PHLDB1: variants seen among roughly 807,000 people sequenced by gnomAD.
PHLDB1 encodes the protein pleckstrin homology-like domain family B member 1.
A neutral mutation model predicts 139.3 loss-of-function variants in PHLDB1; 65 were observed. That is an observed-to-expected ratio of 0.47 (90% CI 0.38 to 0.57). PHLDB1 has a LOEUF of 0.57. PHLDB1 is among the 20% of genes least tolerant of loss of function. The pLI is 0.00. For synonymous variants in PHLDB1, 679 were observed against 734.5 expected (o/e 0.92, Z 1.22); for missense variants, 1,624 against 1,839.7 (o/e 0.88, Z 2.14).
intron 2 of PHLDB1, 119 bp downstream of exon 2, chr11:118,614,015 C>T: frequency 1.5e-6 from 1 of 671,898 alleles, no homozygotes. Flanking sequence ...CTCTGCCCTT[C>T]CCCAGGTCCC....
chr11:118,629,394 G>A (rs1944408122), intron 6 of PHLDB1, among the ~76,000 whole-genome samples: 1 of 152,230 alleles, frequency 6.6e-6, no homozygotes, highest in Admixed American at 6.5e-5. Flanking sequence ...TGAGCTGGGT[G>A]GGGGCCAGGA....
chr11:118,633,756 C>T (rs1945165179), intron 9 of PHLDB1: 1 of 152,320 alleles, frequency 6.6e-6, no homozygotes, highest in African/African-American at 2.4e-5. Context: ...ACCCCAGGAA[C>T]TGGCCTGATT....
rs782630546 is a variant in PHLDB1 at position 118,645,699 on chromosome 11, T to A, written c.3417-36T>A. The A allele has an allele frequency of 1.2e-6, 2 of 1,611,756 alleles. No homozygotes were observed. The highest frequency in any genetic ancestry group is 1.7e-6 in the Non-Finnish European group (2 of 1,177,864). ...AGCCTCCCTCAGCCACCGCCTCAGC[T>A]CCTTGATGCACTTCCTCTTCCCCTT... On this transcript the variant is annotated intron_variant, in intron 16 of 22. Coordinates refer to ENST00000600882, the MANE Select transcript of PHLDB1 (RefSeq NM_001144758.3). The surrounding 1 kb of genome is among the most constrained non-coding windows in gnomAD (Gnocchi z 5.1).
chr11:118,636,130 T>C (rs1349759811), intron 10 of PHLDB1, among the ~76,000 whole-genome samples: 2 of 151,984 alleles, frequency 1.3e-5, no homozygotes, highest in Non-Finnish European at 2.9e-5. Context: ...CAGGTGACTG[T>C]GTATGTTTGG....
chr11:118,637,233 T>C (rs1161855811), intron 10 of PHLDB1: 1 of 152,222 alleles, frequency 6.6e-6, no homozygotes, highest in Non-Finnish European at 1.5e-5. Flanking sequence ...ATAAAGGAGC[T>C]TATTAAATTA....
In PHLDB1 at chr11:118,631,271, C is replaced by A; in HGVS notation, c.1892C>A (p.Pro631His). Residue 631 changes from proline (P) to histidine (H), a missense_variant, in exon 7 of 23, where the codon CCT (proline) becomes CAT (histidine). Transcript: ENST00000600882. ...GAATACAGCCGGGCTGATGGGGGAC[C>A]TGAGGCTGGGGAGCTTCCCAGCATT... is the stretch of plus-strand genomic sequence containing the variant. ...CAEYSRADGG[P>H]EAGELPSIGE... 6.6e-7 allele frequency: 1 copy of A among 1,508,798 alleles called. No homozygotes were observed. The highest frequency in any genetic ancestry group is 2.3e-5 in the Admixed American group (1 of 43,058). 93.5% of individuals were successfully genotyped at this position (1,508,798 alleles called of 1,614,324 possible). A position where few individuals can be genotyped will look rare whatever the true frequency, so the allele number is the denominator to read the frequency against.
In PHLDB1 at chr11:118,625,204, G is replaced by T. The variant is rs1943650017; in HGVS notation, c.481+145G>T. ...CTGCCACCTGCCATGGGCGGGTGGAGAATGCCAGGCAGTGGGGCCACTGAG... is the reference window on the plus strand; with the variant it reads ...CTGCCACCTGCCATGGGCGGGTGGATAATGCCAGGCAGTGGGGCCACTGAG... On this transcript the variant is annotated intron_variant, in intron 5 of 22. Transcript: ENST00000600882. 5 of 989,216 alleles carry T rather than the reference G, an allele frequency of 5.1e-6. No homozygotes were observed. In the Admixed American group the frequency reaches 1.5e-4, roughly 29 times the overall value. 61.3% of individuals were successfully genotyped at this position (989,216 alleles called of 1,614,324 possible). A position where few individuals can be genotyped will look rare whatever the true frequency, so the allele number is the denominator to read the frequency against.
chr11:118,635,638 T>C (rs782754298), intron 10 of PHLDB1, 90 bp downstream of exon 10: 6 of 1,175,058 alleles, frequency 5.1e-6, no homozygotes, highest in Non-Finnish European at 6.9e-6. Flanking sequence ...TAACTTCGTC[T>C]TTTGTGCCTG....
At chr11:118,643,742 T>G in intron 13 of PHLDB1, 58 bp from the exon 14 acceptor site, 2 of 1,613,150 alleles carry the variant, frequency 1.2e-6, no homozygotes. Context: ...CTAGGTGACA[T>G]GGGGGAGGTG....
At chr11:118,617,181 C>T (rs1469352766) in intron 4 of PHLDB1, among the ~76,000 whole-genome samples, 1 of 152,174 alleles carries the variant, frequency 6.6e-6, no homozygotes, top group East Asian at 1.9e-4. Context: ...GGGTTCTGGG[C>T]ATCAGTTCAT....
intron 4 of PHLDB1, among the ~76,000 whole-genome samples, chr11:118,622,415 C>G (rs782671559): frequency 6.6e-6 from 1 of 152,206 alleles, no homozygotes; most frequent in Non-Finnish European, 1.5e-5. Context: ...CCCTCCTGCC[C>G]GCTCTATTAA....
chr11:118,608,407 C>A lies in PHLDB1; in HGVS notation c.-22+708C>A, dbSNP rs990725623. Among the ~76,000 whole-genome samples, 1 of 152,182 alleles carries A rather than the reference C, an allele frequency of 6.6e-6. No individual in the cohort carries two copies. Among genetic ancestry groups the A allele is most frequent in the Admixed American group, 6.5e-5 (1 of 15,290 alleles). On this transcript the variant is annotated intron_variant, in intron 1 of 22. Coordinates refer to ENST00000600882, the MANE Select transcript of PHLDB1 (RefSeq NM_001144758.3). This position sits in a 1 kb window ranked among gnomAD's most constrained non-coding sequence, Gnocchi z 6.7. The stretch of plus-strand genomic sequence containing the variant: ...CCGAGCGGAGGCTGACCCAAGTCAT[C>A]CGGGCTCCCCCGGGATAGGGAAGTG...
chr11:118,647,712 G>A, intron 17 of PHLDB1: 1 of 507,040 alleles, frequency 2.0e-6, no homozygotes, highest in Non-Finnish European at 3.5e-6. Flanking sequence ...AGAGCCCATA[G>A]TGGTAGCGGG....
chr11:118,642,402 C>T lies in PHLDB1; in HGVS notation c.2877+8C>T. 1.2e-6 allele frequency: 2 copies of T among 1,605,750 alleles called. No individual in the cohort carries two copies. Among genetic ancestry groups the T allele is most frequent in the East Asian group, 4.5e-5 (2 of 44,868 alleles). On this transcript the variant is annotated splice_region_variant and intron_variant, in intron 13 of 22. Coordinates refer to ENST00000600882, the MANE Select transcript of PHLDB1 (RefSeq NM_001144758.3). Reference sequence around the variant, plus strand: ...GCTTCCCGTCAGCTGCAGGTAACCCCTCCTTCACTGCCCGTCCTCCCCAGC... The same window carrying T: ...GCTTCCCGTCAGCTGCAGGTAACCCTTCCTTCACTGCCCGTCCTCCCCAGC...
intron 5 of PHLDB1, among the ~76,000 whole-genome samples, chr11:118,625,370 G>A (rs1555100259): frequency 6.6e-6 from 1 of 152,200 alleles, no homozygotes; most frequent in Non-Finnish European, 1.5e-5. Flanking sequence ...GTCACCACAG[G>A]GAGCCTCACC....
intron 17 of PHLDB1, among the ~76,000 whole-genome samples, chr11:118,646,150 C>T (rs909254247): frequency 6.2e-5 from 9 of 145,696 alleles, no homozygotes; most frequent in Non-Finnish European, 1.1e-4. Context: ...GTCCCAGCTG[C>T]GCGGGAGGCT....
Position 118,642,244 on chromosome 11 carries a change from C to T in PHLDB1, c.2737-10C>T, listed in dbSNP as rs1555121734. The T allele has an allele frequency of 6.2e-7, 1 of 1,611,874 alleles. No homozygotes were observed. The highest frequency in any genetic ancestry group is 2.2e-5 in the East Asian group (1 of 44,884). The stretch of plus-strand genomic sequence containing the variant: ...CTGTCCCCTTTTCCCCTCCCCATTC[C>T]CACCTCCAGATGGAGAAGCTGCTGC... On this transcript the variant is annotated splice_polypyrimidine_tract_variant and intron_variant, in intron 12 of 22. Transcript: ENST00000600882.
Position 118,631,257 on chromosome 11 carries a change from G to T in PHLDB1, c.1878G>T (p.Arg626=). The T allele has an allele frequency of 6.7e-7, 1 of 1,484,510 alleles. No individual in the cohort carries two copies. The allele number at this position is 1,484,510 out of a possible 1,614,324, so 92.0% of individuals were successfully genotyped here. The change falls in exon 7 of 23, where the codon CGG becomes CGT. Residue 626 remains arginine, a synonymous_variant. Transcript: ENST00000600882. ...TILNLCAEYS[R]ADGGPEAGEL... ...TGAACCTGTGTGCCGAATACAGCCG[G>T]GCTGATGGGGGACCTGAGGCTGGGG...
At chr11:118,642,195 G>A in intron 12 of PHLDB1, 59 bp from the exon 13 acceptor site, 1 of 1,478,118 alleles carries the variant, frequency 6.8e-7, no homozygotes, top group Non-Finnish European at 9.4e-7. Flanking sequence ...TTATTTCCTG[G>A]CCTTTCCTCT....
Sources: gnomAD v4.1 joint callset for allele counts (sites outside exome capture counted in the v4.1 genomes callset) on GRCh38, gnomAD v4.1.1 for gene constraint, Gnocchi (gnomAD v3.1) non-coding constraint, MANE v1.5 for transcripts, NCBI Gene and HGNC (gene_info 2026-07-23, HGNC 2026-07-21) for gene names.